MTUS2: variants seen among roughly 807,000 people sequenced by gnomAD.
MTUS2 encodes microtubule associated scaffold protein 2.
In MTUS2, 40 loss-of-function variants were observed where a neutral mutation model predicts 114.1. The observed-to-expected ratio is 0.35, with a 90% confidence interval of 0.27 to 0.46. MTUS2 has a LOEUF of 0.46. Among genes scored for constraint, MTUS2 ranks in the 20% least tolerant of loss-of-function variants. MTUS2 has a pLI of 1.00. For synonymous variants in MTUS2, 688 were observed against 672.0 expected, an observed-to-expected ratio of 1.02 and a Z score of -0.37; for missense variants, 1,679 against 1,705.4, an observed-to-expected ratio of 0.98 and a Z score of 0.27.
At chr13:29,479,989 G>A in intron 9 of MTUS2, 161 bp from the exon 10 acceptor site, 1 of 642,252 alleles carries the variant, frequency 1.6e-6, no homozygotes, top group Admixed American at 3.0e-5. Flanking sequence ...GGATCTAATG[G>A]GTGGAAAGGA....
At chr13:28,894,466 A>G (rs927319957) in intron 2 of MTUS2, among the ~76,000 whole-genome samples, 2 of 152,018 alleles carry the variant, frequency 1.3e-5, no homozygotes, top group African/African-American at 2.4e-5. Flanking sequence ...AACAAAATCT[A>G]CTGGCACCTT....
intron 2 of MTUS2, among the ~76,000 whole-genome samples, chr13:28,856,460 A>AGGGC: frequency 6.6e-6 from 1 of 152,168 alleles, no homozygotes; most frequent in Admixed American, 6.5e-5. Flanking sequence ...GGTGTCTCCG[A>AGGGC]GGGCCTGGCG....
intron 5 of MTUS2, among the ~76,000 whole-genome samples, chr13:29,102,294 A>G (rs1890453292): frequency 6.6e-6 from 1 of 152,158 alleles, no homozygotes; most frequent in Non-Finnish European, 1.5e-5. Context: ...TTTTTTAGAG[A>G]AAGTAGTATG....
rs1203778086 is a variant in MTUS2 at position 29,389,419 on chromosome 13, G to GTA, written c.3117+29948_3117+29949dup. Among the ~76,000 whole-genome samples the GTA allele has an allele frequency of 1.4e-3, 149 of 106,916 alleles. 19 individuals carry two copies. Among genetic ancestry groups the GTA allele is most frequent in the African/African-American group, 6.5e-3 (141 of 21,786 alleles). 70.1% of individuals were successfully genotyped at this position (106,916 alleles called of 152,430 possible). ...TGTATATATGTATACACGTGTGTGT[G>GTA]TATGTATACACGTGTGTGTATGTGT... On this transcript the variant is annotated intron_variant, in intron 8 of 15. Transcript: ENST00000612955.
intron 2 of MTUS2, among the ~76,000 whole-genome samples, chr13:28,895,224 G>A (rs2137931740): frequency 6.6e-6 from 1 of 152,312 alleles, no homozygotes; most frequent in African/African-American, 2.4e-5. Flanking sequence ...TTAGAATGCA[G>A]TTTCATGGGC....
intron 2 of MTUS2, among the ~76,000 whole-genome samples, chr13:28,914,603 C>T (rs1040931391): frequency 3.3e-5 from 5 of 151,908 alleles, no homozygotes; most frequent in African/African-American, 1.2e-4. Flanking sequence ...TTATCAGGTC[C>T]ACTTGATCTA....
At chr13:29,307,734 C>T (rs1899542334) in intron 6 of MTUS2, 2 of 1,119,118 alleles carry the variant, frequency 1.8e-6, no homozygotes, top group Middle Eastern at 2.9e-4. Flanking sequence ...ATGAATTTGG[C>T]TACAGCAACA....
intron 5 of MTUS2, among the ~76,000 whole-genome samples, chr13:29,255,209 G>A (rs1025818772): frequency 3.9e-5 from 6 of 152,180 alleles, no homozygotes; most frequent in African/African-American, 1.4e-4. Flanking sequence ...TGCAGCTCTC[G>A]TGTTCTGAGC....
intron 8 of MTUS2, among the ~76,000 whole-genome samples, chr13:29,379,030 G>A (rs1871979784): frequency 6.6e-6 from 1 of 152,128 alleles, no homozygotes; most frequent in African/African-American, 2.4e-5. Context: ...ACTTTGCTCT[G>A]TACTTCTCCT....
chr13:29,327,297 A>G (rs1900562225), intron 7 of MTUS2, among the ~76,000 whole-genome samples: 1 of 152,128 alleles, frequency 6.6e-6, no homozygotes. Flanking sequence ...AAGTTTTGCC[A>G]TGTGTACGCA....
intron 12 of MTUS2, among the ~76,000 whole-genome samples, chr13:29,493,817 T>C (rs552670069): frequency 6.6e-6 from 1 of 152,190 alleles, no homozygotes; most frequent in Non-Finnish European, 1.5e-5. Flanking sequence ...TCCCATCCAA[T>C]CCCAAACCCA....
At chr13:29,255,022 T>C (rs977389079) in intron 5 of MTUS2, among the ~76,000 whole-genome samples, 1 of 152,224 alleles carries the variant, frequency 6.6e-6, no homozygotes, top group Non-Finnish European at 1.5e-5. Context: ...CTGTGATTTT[T>C]TCCTGAAAGA....
At chr13:29,299,697 G>T (rs1313350773) in intron 6 of MTUS2, among the ~76,000 whole-genome samples, 1 of 152,148 alleles carries the variant, frequency 6.6e-6, no homozygotes, top group African/African-American at 2.4e-5. Context: ...GACATGAGTT[G>T]TTTCTTTGTA....
chr13:28,855,716 A>G (rs1347261739), intron 2 of MTUS2, among the ~76,000 whole-genome samples: 1 of 152,166 alleles, frequency 6.6e-6, no homozygotes, highest in African/African-American at 2.4e-5. Context: ...GCTATTGTGA[A>G]TAGTCCCGTA....
At chr13:28,910,318 G>C (rs111502012) in intron 2 of MTUS2, among the ~76,000 whole-genome samples, 43 of 152,206 alleles carry the variant, frequency 2.8e-4, no homozygotes, top group African/African-American at 8.9e-4. Context: ...CACTTAACAT[G>C]ATGATCTCCA....
intron 4 of MTUS2, among the ~76,000 whole-genome samples, chr13:29,037,227 A>G (rs1216906439): frequency 6.6e-6 from 1 of 152,108 alleles, no homozygotes; most frequent in Non-Finnish European, 1.5e-5. Context: ...ATCTCTCAGC[A>G]TTTGCTTGTC....
chr13:29,257,157 C>T (rs1456468792), intron 5 of MTUS2, among the ~76,000 whole-genome samples: 1 of 152,292 alleles, frequency 6.6e-6, no homozygotes, highest in South Asian at 2.1e-4. Flanking sequence ...TGGTCTTGCC[C>T]TATTCAAATC....
At chr13:28,891,891 A>G (rs900270887) in intron 2 of MTUS2, among the ~76,000 whole-genome samples, 2 of 151,082 alleles carry the variant, frequency 1.3e-5, no homozygotes, top group African/African-American at 2.4e-5. Context: ...AAGAATAACA[A>G]CAAAGGACAA....
rs145969964 is a variant in MTUS2 at position 29,467,479 on chromosome 13, T to C, written c.3185-12671T>C. On this transcript the variant is annotated intron_variant, in intron 9 of 15. Coordinates refer to ENST00000612955, the MANE Select transcript of MTUS2 (RefSeq NM_001033602.4). Reference sequence around the variant, plus strand: ...TGGATGGCCCCCATGTAGTGTATTATATGAACCGGTGCCGTGGAGATCTGA... The same window carrying C: ...TGGATGGCCCCCATGTAGTGTATTACATGAACCGGTGCCGTGGAGATCTGA... 6.4e-3 allele frequency among the ~76,000 whole-genome samples: 973 copies of C among 152,312 alleles called. 8 individuals carry two copies. The highest frequency in any genetic ancestry group is 0.022 in the African/African-American group (911 of 41,568).
Sources: gnomAD v4.1 joint callset for allele counts (sites outside exome capture counted in the v4.1 genomes callset) on GRCh38, gnomAD v4.1.1 for gene constraint, MANE v1.5 for transcripts, NCBI Gene and HGNC (gene_info 2026-07-23, HGNC 2026-07-21) for gene names.